The following SRC variants were observed in gnomAD, a reference collection of about 807,000 sequenced individuals.
SRC encodes the protein SRC proto-oncogene, non-receptor tyrosine kinase, also known as proto-oncogene tyrosine-protein kinase Src.
Under a neutral mutation model 62.9 loss-of-function variants are expected in SRC, and 13 were observed. That is an observed-to-expected ratio of 0.21 (90% CI 0.13 to 0.33). The LOEUF (loss-of-function observed/expected upper bound fraction) is 0.33, where lower values mean the gene tolerates loss of function less well. SRC is among the 10% of genes least tolerant of loss of function. SRC has a pLI of 1.00. For synonymous variants in SRC, 302 were observed against 317.5 expected (o/e 0.95, Z 0.52); for missense variants, 457 against 737.3 (o/e 0.62, Z 4.40).
chr20:37,359,026 G>A (rs2069926631), intron 1 of SRC, among the ~76,000 whole-genome samples: 1 of 152,268 alleles, frequency 6.6e-6, no homozygotes, highest in Admixed American at 6.5e-5. Context: ...TCCTGGCCTG[G>A]GCCATGCTGG....
At chr20:37,383,893 G>A (rs548850375) in intron 3 of SRC, among the ~76,000 whole-genome samples, 1 of 145,960 alleles carries the variant, frequency 6.9e-6, no homozygotes, top group African/African-American at 2.8e-5. Context: ...CACCATGCCC[G>A]GCTAATTTTT....
chr20:37,346,365 C>G (rs1055993105), intron 1 of SRC, 110 bp downstream of exon 1: 1 of 135,656 alleles, frequency 7.4e-6, no homozygotes, highest in Non-Finnish European at 1.6e-5. Flanking sequence ...CTCCTGTCCA[C>G]CCCCCCAATT....
At chr20:37,392,887 A>C (rs2070575055) in intron 5 of SRC, among the ~76,000 whole-genome samples, 1 of 146,404 alleles carries the variant, frequency 6.8e-6, no homozygotes, top group African/African-American at 2.5e-5. Context: ...TCTTTCTGCC[A>C]CTCTCCGCCT....
chr20:37,386,979 C>A (rs1160294487), intron 5 of SRC, among the ~76,000 whole-genome samples: 1 of 152,184 alleles, frequency 6.6e-6, no homozygotes, highest in Non-Finnish European at 1.5e-5. Flanking sequence ...TCAAGGGCCT[C>A]GAAGGAAAGC....
chr20:37,378,161 C>CT (rs770833912), intron 2 of SRC, among the ~76,000 whole-genome samples: 1,353 of 122,908 alleles, frequency 0.011, 16 homozygotes, highest in African/African-American at 0.017. Flanking sequence ...TCTTTCTTCT[C>CT]TTTTTTTTTT....
chr20:37,373,305 A>G (rs2070214070), intron 2 of SRC, among the ~76,000 whole-genome samples: 1 of 151,878 alleles, frequency 6.6e-6, no homozygotes. Flanking sequence ...GTACACATGC[A>G]CACATTACAT....
At chr20:37,346,412 C>A (rs1352178233) in intron 1 of SRC, among the ~76,000 whole-genome samples, 157 bp downstream of exon 1, 1 of 150,884 alleles carries the variant, frequency 6.6e-6, no homozygotes, top group African/African-American at 2.4e-5. Flanking sequence ...GATACCCAAG[C>A]GCCGGGCGGG....
intron 2 of SRC, among the ~76,000 whole-genome samples, chr20:37,373,149 TACACACATAC>T: frequency 7.8e-6 from 1 of 128,982 alleles, no homozygotes; most frequent in East Asian, 2.2e-4. Flanking sequence ...TATGTACATA[TACACACATAC>T]ACACATATAT....
intron 5 of SRC, among the ~76,000 whole-genome samples, chr20:37,387,037 G>A (rs1356221141): frequency 3.9e-5 from 6 of 152,272 alleles, no homozygotes; most frequent in Non-Finnish European, 8.8e-5. Flanking sequence ...CAGCTTGCGG[G>A]AGGGTGCCGG....
At chr20:37,349,796 C>G (rs951347039) in intron 1 of SRC, among the ~76,000 whole-genome samples, 1 of 152,222 alleles carries the variant, frequency 6.6e-6, no homozygotes, top group Admixed American at 6.5e-5. Flanking sequence ...TCCTGCCCTG[C>G]CCTCTCTTTG....
intron 1 of SRC, among the ~76,000 whole-genome samples, chr20:37,349,132 G>T (rs2069764438): frequency 6.6e-6 from 1 of 152,194 alleles, no homozygotes; most frequent in East Asian, 1.9e-4. Context: ...CTGGAGGCCA[G>T]AGGTACAGAG....
intron 5 of SRC, among the ~76,000 whole-genome samples, chr20:37,388,488 G>T (rs1344117095): frequency 1.3e-5 from 2 of 152,234 alleles, no homozygotes; most frequent in Non-Finnish European, 2.9e-5. Context: ...GCTCACGCCT[G>T]TAATCCCAGC....
At chr20:37,372,090 G>A (rs114195763) in intron 2 of SRC, among the ~76,000 whole-genome samples, 1,614 of 151,954 alleles carry the variant, frequency 0.011, 38 homozygotes, top group African/African-American at 0.037. Flanking sequence ...TCTGAACTCC[G>A]GGGCTTGAGC....
At chr20:37,376,872 A>G (rs6094509) in intron 2 of SRC, among the ~76,000 whole-genome samples, 39,290 of 152,110 alleles carry the variant, frequency 0.26, 6,407 homozygotes, top group African/African-American at 0.47. Context: ...GGGCGATGAG[A>G]TCATAGGTTG....
At position 37,398,649 on chromosome 20, in the gene SRC, A is replaced by G. The variant is rs957960436; in HGVS notation, c.859+795A>G. Among the ~76,000 whole-genome samples the G allele has an allele frequency of 6.6e-6, 1 of 152,174 alleles. No homozygotes were observed. The highest frequency in any genetic ancestry group is 1.5e-5 in the Non-Finnish European group (1 of 68,022). On this transcript the variant is annotated intron_variant, in intron 9 of 13. Coordinates refer to ENST00000373578, the MANE Select transcript of SRC (RefSeq NM_198291.3). This position sits in a 1 kb window ranked among gnomAD's most constrained non-coding sequence, Gnocchi z 5.2. ...AGGCTGGAGGTCAGGCTGTCCGGGA[A>G]GGGGAGGCGTGGGCTTTGAGCTGGT...
At chr20:37,364,808 C>T (rs1205101509) in intron 1 of SRC, among the ~76,000 whole-genome samples, 1 of 152,190 alleles carries the variant, frequency 6.6e-6, no homozygotes, top group Non-Finnish European at 1.5e-5. Context: ...TGGAGAAGCC[C>T]AGGAGTGCAC....
chr20:37,355,397 C>T (rs2069867149), intron 1 of SRC, among the ~76,000 whole-genome samples: 1 of 152,208 alleles, frequency 6.6e-6, no homozygotes, highest in South Asian at 2.1e-4. Context: ...GCTCCCCCCT[C>T]CGCCCACTCC....
In SRC at chr20:37,351,270, G is replaced by T. The variant is rs2069797190; in HGVS notation, c.-247+5015G>T. Among the ~76,000 whole-genome samples, 1 of 152,228 alleles carries T rather than the reference G, an allele frequency of 6.6e-6. No individual in the cohort carries two copies. The highest frequency in any genetic ancestry group is 2.1e-4 in the South Asian group (1 of 4,830). On this transcript the variant is annotated intron_variant, in intron 1 of 13. Transcript: ENST00000373578. The surrounding 1 kb of genome is among the most constrained non-coding windows in gnomAD (Gnocchi z 4.4). ...AGCCAGAAGGGAGGAGAAGTTGAAT[G>T]ATCTTGGCCAAATCCCTTCCTGTCT...
intron 7 of SRC, 148 bp downstream of exon 7, chr20:37,394,425 G>A: frequency 1.5e-6 from 1 of 672,746 alleles, no homozygotes; most frequent in East Asian, 2.7e-5. Flanking sequence ...AGTCAGGGAG[G>A]TGCATTTGAG....
Sources: gnomAD v4.1 joint callset for allele counts (sites outside exome capture counted in the v4.1 genomes callset) on GRCh38, gnomAD v4.1.1 for gene constraint, Gnocchi (gnomAD v3.1) non-coding constraint, MANE v1.5 for transcripts, NCBI Gene and HGNC (gene_info 2026-07-23, HGNC 2026-07-21) for gene names.